Variants in GRIK1 observed in about 807,000 individuals in gnomAD.
GRIK1 encodes glutamate receptor ionotropic, kainate 1.
GRIK1 carries 69 observed loss-of-function variants against 105.7 expected under a neutral mutation model. That is an observed-to-expected ratio of 0.65 (90% CI 0.54 to 0.80). GRIK1 has a LOEUF of 0.80. Among genes scored for constraint, GRIK1 ranks in the 30% least tolerant of loss-of-function variants. The pLI is 0.00. For synonymous variants in GRIK1, 438 were observed against 431.3 expected, an observed-to-expected ratio of 1.02 and a Z score of -0.19; for missense variants, 1,109 against 1,167.3, an observed-to-expected ratio of 0.95 and a Z score of 0.73.
intron 3 of GRIK1, among the ~76,000 whole-genome samples, chr21:29,686,652 C>T (rs1178179199): frequency 2.0e-5 from 3 of 152,228 alleles, no homozygotes; most frequent in Non-Finnish European, 4.4e-5. Context: ...TGTCCGTGTG[C>T]TTGCTTGCTA....
intron 1 of GRIK1, among the ~76,000 whole-genome samples, chr21:29,914,292 GAGGAATTATTCT>G (rs1444106682): frequency 1.3e-5 from 2 of 152,052 alleles, no homozygotes; most frequent in African/African-American, 4.8e-5. Context: ...TCCTCCATGA[GAGGAATTATTCT>G]AGGGAACACT....
chr21:29,621,409 T>TGG (rs1179790410), intron 7 of GRIK1, among the ~76,000 whole-genome samples: 20 of 151,654 alleles, frequency 1.3e-4, no homozygotes, highest in Admixed American at 9.9e-4. Flanking sequence ...TGTGTGTGTG[T>TGG]GTGGGGAAGA....
At chr21:29,672,843 G>T (rs185435719) in intron 4 of GRIK1, 140 bp downstream of exon 4, 361 of 660,990 alleles carry the variant, frequency 5.5e-4, no homozygotes, top group Middle Eastern at 1.6e-3. Flanking sequence ...GTTTAAAAGG[G>T]CTCTGAAAAT....
intron 1 of GRIK1, among the ~76,000 whole-genome samples, chr21:29,830,785 A>G (rs1037715235): frequency 3.3e-5 from 5 of 152,174 alleles, no homozygotes; most frequent in Non-Finnish European, 5.9e-5. Flanking sequence ...GTAAATACTG[A>G]TCAGAACATG....
At chr21:29,549,098 C>G (rs1478331735) in intron 16 of GRIK1, among the ~76,000 whole-genome samples, 2 of 152,152 alleles carry the variant, frequency 1.3e-5, no homozygotes, top group African/African-American at 4.8e-5. Flanking sequence ...AACTCCTGGG[C>G]TTACAGGTGT....
chr21:29,721,223 T>G (rs542603685), intron 1 of GRIK1, among the ~76,000 whole-genome samples: 1 of 152,316 alleles, frequency 6.6e-6, no homozygotes, highest in South Asian at 2.1e-4. Flanking sequence ...TTGATGTGCT[T>G]GTTGTCAGTT....
intron 1 of GRIK1, among the ~76,000 whole-genome samples, chr21:29,802,109 G>A (rs770053911): frequency 6.6e-6 from 1 of 152,172 alleles, no homozygotes; most frequent in Non-Finnish European, 1.5e-5. Flanking sequence ...TCAACTGCCA[G>A]ACACATGGAA....
chr21:29,672,401 T>C (rs2063176131), intron 4 of GRIK1, among the ~76,000 whole-genome samples: 1 of 152,192 alleles, frequency 6.6e-6, no homozygotes, highest in African/African-American at 2.4e-5. Flanking sequence ...TGAACATTAC[T>C]CATGTCTTCA....
chr21:29,910,719 T>A (rs534191611), intron 1 of GRIK1, among the ~76,000 whole-genome samples: 1 of 152,134 alleles, frequency 6.6e-6, no homozygotes, highest in African/African-American at 2.4e-5. Context: ...TTATAGGACA[T>A]GTTGTACTGC....
At chr21:29,853,849 C>T (rs988034774) in intron 1 of GRIK1, among the ~76,000 whole-genome samples, 1 of 152,110 alleles carries the variant, frequency 6.6e-6, no homozygotes, top group African/African-American at 2.4e-5. Flanking sequence ...AAACATATAG[C>T]ATGTCAGAGG....
chr21:29,585,063 C>T (rs2253438), intron 12 of GRIK1, among the ~76,000 whole-genome samples: 139,283 of 152,128 alleles, frequency 0.92, 63,916 homozygotes, highest in Non-Finnish European at 0.94. Context: ...CAAGTTTGCA[C>T]TGGATGTATA....
intron 1 of GRIK1, among the ~76,000 whole-genome samples, chr21:29,780,909 T>C (rs895559246): frequency 6.6e-6 from 1 of 152,210 alleles, no homozygotes; most frequent in Non-Finnish European, 1.5e-5. Context: ...AGAGAGGATC[T>C]GCTATTCCTG....
intron 1 of GRIK1, among the ~76,000 whole-genome samples, chr21:29,735,592 T>C (rs113901990): frequency 0.059 from 8,980 of 152,134 alleles, 304 homozygotes; most frequent in African/African-American, 0.067. Flanking sequence ...TGAGTCTGTG[T>C]GTAACCAAAA....
intron 6 of GRIK1, 82 bp downstream of exon 6, chr21:29,651,036 T>C: frequency 7.7e-6 from 8 of 1,042,808 alleles, no homozygotes; most frequent in Non-Finnish European, 1.1e-5. Context: ...CACTTTTCTC[T>C]AATATTTTAA....
At chr21:29,854,215 G>A (rs1233862731) in intron 1 of GRIK1, among the ~76,000 whole-genome samples, 2 of 152,094 alleles carry the variant, frequency 1.3e-5, no homozygotes, top group Non-Finnish European at 2.9e-5. Flanking sequence ...AGAGAGAGAA[G>A]CGAGTGGGGC....
intron 1 of GRIK1, among the ~76,000 whole-genome samples, chr21:29,912,512 C>T (rs1883690349): frequency 6.6e-6 from 1 of 152,080 alleles, no homozygotes; most frequent in Non-Finnish European, 1.5e-5. Context: ...GGTTTATTCT[C>T]CAAAATAAAC....
intron 2 of GRIK1, among the ~76,000 whole-genome samples, chr21:29,692,169 T>C (rs2063596334): frequency 6.6e-6 from 1 of 152,174 alleles, no homozygotes; most frequent in Non-Finnish European, 1.5e-5. Context: ...AAATTACCAG[T>C]TTTAAGAAGC....
chr21:29,560,410 T>C (rs2090412278), intron 15 of GRIK1, among the ~76,000 whole-genome samples: 1 of 122,730 alleles, frequency 8.1e-6, no homozygotes, highest in Non-Finnish European at 1.6e-5. Context: ...CCTTTCTTTC[T>C]TTCTTTCTTT....
intron 1 of GRIK1, among the ~76,000 whole-genome samples, chr21:29,848,779 A>ATTTTTTTTT (rs1555898508): frequency 6.0e-4 from 47 of 77,854 alleles, no homozygotes; most frequent in East Asian, 2.7e-3. Context: ...ATATATATAT[A>ATTTTTTTTT]TTTTTTTTTT....
Sources: allele counts gnomAD v4.1 joint callset (sites outside exome capture counted in the v4.1 genomes callset), GRCh38; gene constraint gnomAD v4.1.1; transcripts MANE v1.5; gene names NCBI Gene and HGNC (gene_info 2026-07-23, HGNC 2026-07-21).